The following NECTIN1 variants were observed in gnomAD, a reference collection of about 807,000 sequenced individuals.
NECTIN1 encodes the protein nectin-1.
In NECTIN1, 23 loss-of-function variants were observed where a neutral mutation model predicts 48.0. The ratio of observed to expected loss-of-function variants is 0.48; its 90% CI spans 0.34 to 0.68. The LOEUF (loss-of-function observed/expected upper bound fraction) is 0.68, where lower values mean the gene tolerates loss of function less well. Among genes scored for constraint, NECTIN1 ranks in the 30% least tolerant of loss-of-function variants. NECTIN1 has a pLI of 0.01. For missense variants in NECTIN1, 591 were observed against 709.9 expected (o/e 0.83, Z 1.90); for synonymous variants, 270 against 288.9 (o/e 0.93, Z 0.66).
At position 119,727,739 on chromosome 11, in the gene NECTIN1, G is replaced by A. The variant is rs1007724490; in HGVS notation, c.79+736C>T. ...CGCACCTCGAGGAAGGACACGCGGGGCACCCTCGGGAAAGTGGGTCATGCA... is the reference window on the plus strand; with the variant it reads ...CGCACCTCGAGGAAGGACACGCGGGACACCCTCGGGAAAGTGGGTCATGCA... On this transcript the variant is annotated intron_variant, in intron 1 of 5. Coordinates refer to ENST00000264025, the MANE Select transcript of NECTIN1 (RefSeq NM_002855.5). The surrounding 1 kb of genome is among the most constrained non-coding windows in gnomAD (Gnocchi z 4.1). 6.6e-6 allele frequency among the ~76,000 whole-genome samples: 1 copy of A among 152,216 alleles called. No individual in the cohort carries two copies. The highest frequency in any genetic ancestry group is 2.4e-5 in the African/African-American group (1 of 41,452).
At chr11:119,639,036 C>G (rs1022081) in intron 6 of NECTIN1, among the ~76,000 whole-genome samples, 21,309 of 152,022 alleles carry the variant, frequency 0.14, 1,605 homozygotes, top group East Asian at 0.25. Flanking sequence ...CTGCCCCGGA[C>G]CCCAGCCCAG....
chr11:119,677,734 C>T lies in NECTIN1; in HGVS notation c.554G>A (p.Trp185Ter), dbSNP rs104894281. Residue 185 changes from tryptophan to a stop codon, truncating the protein, a stop_gained, in exon 3 of 6, where the codon TGG becomes TAG. Coordinates refer to ENST00000264025, the MANE Select transcript of NECTIN1 (RefSeq NM_002855.5). LOFTEE classifies it high-confidence loss of function. This position sits in a 1 kb window ranked among gnomAD's most constrained non-coding sequence, Gnocchi z 5.4. ...TGCCTCACCTTTTAACCGAGTTTCCCAGGATACCACACTGGGAGGCTTCCC... is the reference window on the plus strand; with the variant it reads ...TGCCTCACCTTTTAACCGAGTTTCCTAGGATACCACACTGGGAGGCTTCCC... Reference protein sequence around the residue: ...ANGKPPSVVSWETRLKGEAEY... With the variant: ...ANGKPPSVVS The T allele has an allele frequency of 6.2e-7, 1 of 1,614,162 alleles. No homozygotes were observed. The highest frequency in any genetic ancestry group is 1.7e-5 in the Admixed American group (1 of 60,028).
chr11:119,692,699 C>A (rs186732682), intron 1 of NECTIN1, among the ~76,000 whole-genome samples: 1 of 152,374 alleles, frequency 6.6e-6, no homozygotes, highest in East Asian at 1.9e-4. Flanking sequence ...ATCCTTACAA[C>A]ACTCCAGGAG....
At chr11:119,720,420 G>C (rs1000963752) in intron 1 of NECTIN1, among the ~76,000 whole-genome samples, 2 of 152,248 alleles carry the variant, frequency 1.3e-5, no homozygotes, top group Admixed American at 1.3e-4. Context: ...CTCCACAGCA[G>C]GGCAGACTCA....
chr11:119,688,058 C>A (rs1482555919), intron 1 of NECTIN1, among the ~76,000 whole-genome samples: 1 of 152,112 alleles, frequency 6.6e-6, no homozygotes, highest in Non-Finnish European at 1.5e-5. Flanking sequence ...AATCTATGAG[C>A]GCTGACTTTG....
chr11:119,655,704 C>G (rs1030222504), intron 5 of NECTIN1, among the ~76,000 whole-genome samples: 4 of 152,130 alleles, frequency 2.6e-5, no homozygotes, highest in African/African-American at 9.7e-5. Context: ...TGTGTAGCTT[C>G]CCAGGGAAAT....
At chr11:119,689,579 G>A (rs1466425173) in intron 1 of NECTIN1, among the ~76,000 whole-genome samples, 2 of 152,322 alleles carry the variant, frequency 1.3e-5, no homozygotes, top group South Asian at 2.1e-4. Context: ...CTGCTGAAGG[G>A]GCAATGAGGA....
chr11:119,648,560 C>A (rs1236849171), intron 5 of NECTIN1, among the ~76,000 whole-genome samples: 1 of 150,792 alleles, frequency 6.6e-6, no homozygotes, highest in African/African-American at 2.4e-5. Context: ...GACAGCTGGG[C>A]AGAGCAACGG....
At chr11:119,693,853 G>A (rs1346646998) in intron 1 of NECTIN1, among the ~76,000 whole-genome samples, 2 of 152,204 alleles carry the variant, frequency 1.3e-5, no homozygotes, top group African/African-American at 4.8e-5. Context: ...CATTTTTAAT[G>A]CTGGGAAAGG....
chr11:119,643,383 C>G (rs1003293642), intron 5 of NECTIN1, among the ~76,000 whole-genome samples: 2 of 152,214 alleles, frequency 1.3e-5, no homozygotes, highest in African/African-American at 4.8e-5. Flanking sequence ...ATAATGTTAT[C>G]CCTGATGAGC....
intron 1 of NECTIN1, among the ~76,000 whole-genome samples, chr11:119,682,123 C>T (rs1865069842): frequency 2.0e-5 from 3 of 152,068 alleles, no homozygotes; most frequent in Admixed American, 6.5e-5. Flanking sequence ...CTGCCTTGGT[C>T]CAAGGACTCA....
intron 1 of NECTIN1, chr11:119,713,904 C>T: frequency 2.2e-6 from 1 of 455,484 alleles, no homozygotes; most frequent in South Asian, 1.6e-5. Context: ...CAGGGGGGTG[C>T]CAAGGAGCAG....
chr11:119,715,943 C>T (rs891434228), intron 1 of NECTIN1, among the ~76,000 whole-genome samples: 1 of 152,224 alleles, frequency 6.6e-6, no homozygotes, highest in African/African-American at 2.4e-5. Flanking sequence ...TCTACAGCTC[C>T]CACCTCTGTG....
At chr11:119,719,056 T>C (rs1452073682) in intron 1 of NECTIN1, among the ~76,000 whole-genome samples, 1 of 152,182 alleles carries the variant, frequency 6.6e-6, no homozygotes, top group Non-Finnish European at 1.5e-5. Flanking sequence ...TTTGACTGCC[T>C]TTGGATTGCG....
rs1865921057 is a variant in NECTIN1, at chr11:119,727,088, T to G, written c.79+1387A>C. 6.6e-6 allele frequency among the ~76,000 whole-genome samples: 1 copy of G among 152,130 alleles called. No individual in the cohort carries two copies. Among genetic ancestry groups the G allele is most frequent in the Non-Finnish European group, 1.5e-5 (1 of 68,014 alleles). ...CACCCCAGTACTGGCTTTCACAAAC[T>G]GCTTCCCAGACATCCACCACTTAGT... On this transcript the variant is annotated intron_variant, in intron 1 of 5. Transcript: ENST00000264025. The surrounding 1 kb of genome is among the most constrained non-coding windows in gnomAD (Gnocchi z 4.1).
chr11:119,688,580 A>G (rs187869408), intron 1 of NECTIN1, among the ~76,000 whole-genome samples: 97 of 152,324 alleles, frequency 6.4e-4, no homozygotes, highest in Non-Finnish European at 1.2e-3. Flanking sequence ...CATGGCAGGC[A>G]AAATCATCCC....
At chr11:119,721,943 AG>A (rs1365388535) in intron 1 of NECTIN1, among the ~76,000 whole-genome samples, 3 of 152,186 alleles carry the variant, frequency 2.0e-5, no homozygotes, top group African/African-American at 7.2e-5. Context: ...TTCCCCAGGG[AG>A]CTGCCAGGCT....
intron 1 of NECTIN1, among the ~76,000 whole-genome samples, chr11:119,717,418 T>C (rs765829562): frequency 2.0e-5 from 3 of 151,838 alleles, no homozygotes; most frequent in Non-Finnish European, 2.9e-5. Flanking sequence ...GGTAGGAGGG[T>C]GCCTCAACGG....
At chr11:119,667,204 C>T (rs904969937) in intron 5 of NECTIN1, among the ~76,000 whole-genome samples, 4 of 152,318 alleles carry the variant, frequency 2.6e-5, no homozygotes, top group East Asian at 3.9e-4. Context: ...CTGCTCCCCA[C>T]GAGATGGGAG....
Sources: gnomAD v4.1 joint callset for allele counts (sites outside exome capture counted in the v4.1 genomes callset) on GRCh38, gnomAD v4.1.1 for gene constraint, Gnocchi (gnomAD v3.1) non-coding constraint, MANE v1.5 for transcripts, NCBI Gene and HGNC (gene_info 2026-07-23, HGNC 2026-07-21) for gene names.